OPCML: variants seen among roughly 807,000 people sequenced by gnomAD.
The protein encoded by OPCML is opioid binding protein/cell adhesion molecule like.
In OPCML, 13 loss-of-function variants were observed where a neutral mutation model predicts 37.8. The ratio of observed to expected loss-of-function variants is 0.34; its 90% CI spans 0.22 to 0.55. The LOEUF is 0.55. Ranked by LOEUF, OPCML falls within the 20% of genes least tolerant of loss-of-function variation. The pLI is 0.91. For missense variants in OPCML, 341 were observed against 435.6 expected (o/e 0.78, Z 1.93); for synonymous variants, 176 against 168.8 (o/e 1.04, Z -0.33).
At chr11:132,772,371 T>C (rs1173951077) in intron 2 of OPCML, 1 of 152,218 alleles carries the variant, frequency 6.6e-6, no homozygotes, top group Non-Finnish European at 1.5e-5. Context: ...TAGTCACATA[T>C]ACACTGGGAA....
intron 1 of OPCML, among the ~76,000 whole-genome samples, chr11:133,444,595 A>T (rs936250956): frequency 6.6e-6 from 1 of 152,188 alleles, no homozygotes; most frequent in South Asian, 2.1e-4. Flanking sequence ...AGAAAAATTT[A>T]TGTTGGTATT....
chr11:133,337,523 C>G (rs1338546020), intron 1 of OPCML, among the ~76,000 whole-genome samples: 1 of 152,154 alleles, frequency 6.6e-6, no homozygotes, highest in African/African-American at 2.4e-5. Flanking sequence ...GATTTCTGAG[C>G]TATCTGGGGA....
chr11:132,506,126 G>A (rs531873892), intron 4 of OPCML, among the ~76,000 whole-genome samples: 2 of 152,236 alleles, frequency 1.3e-5, no homozygotes, highest in Admixed American at 1.3e-4. Flanking sequence ...GTAACCACAG[G>A]AGTTTTAAGG....
chr11:133,276,509 GA>G (rs1941999369), intron 1 of OPCML, among the ~76,000 whole-genome samples: 1 of 152,158 alleles, frequency 6.6e-6, no homozygotes, highest in South Asian at 2.1e-4. Flanking sequence ...ATATGATTTG[GA>G]GCATACTTGT....
chr11:132,808,017 A>G (rs538927840), intron 2 of OPCML, among the ~76,000 whole-genome samples: 2 of 152,318 alleles, frequency 1.3e-5, no homozygotes, highest in South Asian at 4.1e-4. Flanking sequence ...GATATTTTTA[A>G]CCGTTCTTTC....
intron 1 of OPCML, among the ~76,000 whole-genome samples, chr11:133,266,800 A>T (rs1384296605): frequency 6.6e-6 from 1 of 152,186 alleles, no homozygotes; most frequent in African/African-American, 2.4e-5. Flanking sequence ...AATGTGGTTA[A>T]TACCATGGCA....
chr11:132,960,311 C>G (rs1946064639), intron 1 of OPCML, among the ~76,000 whole-genome samples: 1 of 152,178 alleles, frequency 6.6e-6, no homozygotes, highest in Non-Finnish European at 1.5e-5. Flanking sequence ...TCCCTTCTTA[C>G]CACGGTCACA....
At chr11:133,260,500 T>G (rs900821958) in intron 1 of OPCML, among the ~76,000 whole-genome samples, 2 of 151,856 alleles carry the variant, frequency 1.3e-5, no homozygotes, top group Non-Finnish European at 2.9e-5. Context: ...AAGGTGGAGC[T>G]CTGGGATTTG....
At position 133,359,412 on chromosome 11, in the gene OPCML, A is replaced by C. The variant is rs1359909231; in HGVS notation, c.61+172852T>G. Among the ~76,000 whole-genome samples, 8 of 152,318 alleles carry C rather than the reference A, an allele frequency of 5.3e-5. No individual in the cohort carries two copies. In the East Asian group the frequency reaches 1.2e-3, roughly 22 times the overall value. ...TGTCTTGGAAGTGAAAAAGCCCTGCAGCATATCACTGATGACTATATATGA... is the reference window on the plus strand; with the variant it reads ...TGTCTTGGAAGTGAAAAAGCCCTGCCGCATATCACTGATGACTATATATGA... On this transcript the variant is annotated intron_variant, in intron 1 of 7. Transcript: ENST00000524381.
chr11:132,977,738 T>A (rs1946495571), intron 1 of OPCML, among the ~76,000 whole-genome samples: 1 of 152,188 alleles, frequency 6.6e-6, no homozygotes, highest in South Asian at 2.1e-4. Context: ...CTTGCTAAAG[T>A]AGGGAGCAGG....
At chr11:132,858,761 A>G (rs1241500671) in intron 2 of OPCML, among the ~76,000 whole-genome samples, 2 of 152,236 alleles carry the variant, frequency 1.3e-5, no homozygotes, top group Non-Finnish European at 2.9e-5. Context: ...ATAAAACTCT[A>G]TCAGTGTAAG....
intron 2 of OPCML, among the ~76,000 whole-genome samples, chr11:132,932,793 A>G (rs1945252861): frequency 6.6e-6 from 1 of 151,576 alleles, no homozygotes; most frequent in African/African-American, 2.4e-5. Context: ...TAAAACTTTA[A>G]TCTGAAATCT....
intron 1 of OPCML, among the ~76,000 whole-genome samples, chr11:133,387,738 G>T (rs184063145): frequency 3.9e-5 from 6 of 152,280 alleles, no homozygotes; most frequent in Non-Finnish European, 7.4e-5. Context: ...CTTGCGATTC[G>T]ACTGAAGAAG....
chr11:132,945,648 TTTTAAC>T (rs1458555016), intron 1 of OPCML, among the ~76,000 whole-genome samples: 3 of 152,248 alleles, frequency 2.0e-5, no homozygotes, highest in African/African-American at 4.8e-5. Flanking sequence ...TACTGTAACT[TTTTAAC>T]TTTATACACT....
intron 3 of OPCML, among the ~76,000 whole-genome samples, chr11:132,633,949 C>T (rs1940318105): frequency 6.6e-6 from 1 of 152,168 alleles, no homozygotes; most frequent in South Asian, 2.1e-4. Context: ...CCTCAAGGCC[C>T]AGGTTCTTCC....
chr11:133,076,902 T>C (rs1400548373), intron 1 of OPCML, among the ~76,000 whole-genome samples: 2 of 152,100 alleles, frequency 1.3e-5, no homozygotes, highest in Non-Finnish European at 2.9e-5. Context: ...GACAAAAAGA[T>C]TGCAGTTGAT....
chr11:132,511,216 A>C (rs1003305802), intron 4 of OPCML, among the ~76,000 whole-genome samples: 1 of 152,284 alleles, frequency 6.6e-6, no homozygotes, highest in Admixed American at 6.5e-5. Flanking sequence ...ATCATTCAAA[A>C]ATATGACATA....
chr11:132,478,477 C>A (rs192965870), intron 4 of OPCML, among the ~76,000 whole-genome samples: 1 of 152,136 alleles, frequency 6.6e-6, no homozygotes, highest in South Asian at 2.1e-4. Flanking sequence ...CACAACACAT[C>A]CTTAACATGA....
At chr11:132,621,254 T>C (rs1298540265) in intron 3 of OPCML, among the ~76,000 whole-genome samples, 1 of 152,222 alleles carries the variant, frequency 6.6e-6, no homozygotes, top group Non-Finnish European at 1.5e-5. Context: ...GTAATTTCTA[T>C]TAAATCTGAA....
Sources: allele counts gnomAD v4.1 joint callset (sites outside exome capture counted in the v4.1 genomes callset), GRCh38; gene constraint gnomAD v4.1.1; transcripts MANE v1.5; gene names NCBI Gene and HGNC (gene_info 2026-07-23, HGNC 2026-07-21).